Variants in EFHC2 observed in about 807,000 individuals in gnomAD.
EFHC2 encodes EF-hand domain-containing family member C2.
Under a neutral mutation model 52.7 loss-of-function variants are expected in EFHC2, and 18 were observed. The observed-to-expected ratio is 0.34, with a 90% CI of 0.24 to 0.51. The LOEUF is 0.51. EFHC2 is among the 20% of genes least tolerant of loss of function. The probability of loss-of-function intolerance (pLI) is 0.97; values close to 1 mark genes in which losing one functional copy is unlikely to be tolerated. For synonymous variants in EFHC2, 203 were observed against 204.1 expected (o/e 0.99, Z 0.04); for missense variants, 513 against 562.5 (o/e 0.91, Z 0.89).
intron 7 of EFHC2, among the ~76,000 whole-genome samples, chrX:44,242,944 T>C (rs1409909200): frequency 8.9e-6 from 1 of 112,113 alleles, no homozygotes; most frequent in East Asian, 2.8e-4. Context: ...TCAAATGCAA[T>C]GAAGCGAACA....
intron 14 of EFHC2, among the ~76,000 whole-genome samples, chrX:44,151,366 C>T (rs2036568960): frequency 8.9e-6 from 1 of 111,758 alleles, no homozygotes; most frequent in African/African-American, 3.2e-5. Context: ...TGGCTTAAAG[C>T]AACAGAAACT....
chrX:44,268,405 T>C (rs1014611936), intron 3 of EFHC2, among the ~76,000 whole-genome samples: 2 of 111,552 alleles, frequency 1.8e-5, no homozygotes, highest in Non-Finnish European at 3.8e-5. Context: ...TTGGATAGTT[T>C]AATAAAACTA....
At chrX:44,260,212 A>G (rs1299918572) in intron 4 of EFHC2, among the ~76,000 whole-genome samples, 1 of 111,298 alleles carries the variant, frequency 9.0e-6, no homozygotes, top group Non-Finnish European at 1.9e-5. Context: ...TTATAGGGGT[A>G]CGTGTATTTG....
At chrX:44,249,735 G>C (rs1371101742) in intron 5 of EFHC2, among the ~76,000 whole-genome samples, 1 of 112,292 alleles carries the variant, frequency 8.9e-6, no homozygotes, top group African/African-American at 3.2e-5. Flanking sequence ...AAGGCACTTT[G>C]GTTTGTAAAC....
At chrX:44,332,362 C>T (rs1056635357) in intron 1 of EFHC2, among the ~76,000 whole-genome samples, 6 of 110,278 alleles carry the variant, frequency 5.4e-5, no homozygotes, top group Admixed American at 2.9e-4. Flanking sequence ...GTTGTTTTGA[C>T]CATTCCCTCC....
chrX:44,196,622 A>G (rs751354829), intron 11 of EFHC2, among the ~76,000 whole-genome samples: 1 of 112,039 alleles, frequency 8.9e-6, no homozygotes, highest in Non-Finnish European at 1.9e-5. Context: ...AGGCAGAGTC[A>G]AGGAAAAAGA....
At chrX:44,149,224 C>T (rs1218331670) in intron 14 of EFHC2, among the ~76,000 whole-genome samples, 1 of 112,036 alleles carries the variant, frequency 8.9e-6, no homozygotes, top group Non-Finnish European at 1.9e-5. Flanking sequence ...GAGGCTCTAG[C>T]GTGCTGGCAT....
At chrX:44,251,483 C>T (rs1371524160) in intron 4 of EFHC2, among the ~76,000 whole-genome samples, 1 of 99,672 alleles carries the variant, frequency 1.0e-5, no homozygotes, top group African/African-American at 3.6e-5. Context: ...TGCCAGTAAT[C>T]CCAGCTACTC....
chrX:44,215,461 C>T (rs907887888), intron 11 of EFHC2, among the ~76,000 whole-genome samples: 1 of 105,626 alleles, frequency 9.5e-6, no homozygotes, highest in Non-Finnish European at 1.9e-5. Context: ...AAAGTTTAAA[C>T]ATACACCTAC....
chrX:44,326,391 AT>A (rs1457665298), intron 1 of EFHC2, among the ~76,000 whole-genome samples: 1 of 111,346 alleles, frequency 9.0e-6, no homozygotes, highest in East Asian at 2.8e-4. Flanking sequence ...AGGATTTTGA[AT>A]GTTCTCAACA....
intron 2 of EFHC2, chrX:44,285,436 A>T (rs1032000025): frequency 8.9e-6 from 1 of 112,296 alleles, no homozygotes; most frequent in Admixed American, 9.4e-5. Context: ...AGCCAGAGCA[A>T]CCGGGTTTCA....
intron 4 of EFHC2, among the ~76,000 whole-genome samples, chrX:44,257,808 A>G (rs1467637380): frequency 8.9e-6 from 1 of 112,161 alleles, no homozygotes; most frequent in Non-Finnish European, 1.9e-5. Flanking sequence ...TAGAACCAAA[A>G]AAGAGCTCGT....
At chrX:44,317,749 G>T (rs998779122) in intron 1 of EFHC2, among the ~76,000 whole-genome samples, 1 of 113,356 alleles carries the variant, frequency 8.8e-6, no homozygotes, top group African/African-American at 3.2e-5. Flanking sequence ...AGCTATGATC[G>T]CACCACTGCA....
chrX:44,300,621 T>A, intron 2 of EFHC2, among the ~76,000 whole-genome samples: 1 of 111,991 alleles, frequency 8.9e-6, no homozygotes, highest in East Asian at 2.8e-4. Context: ...ACTTAGTGTA[T>A]AGTTAAACTT....
chrX:44,182,392 G>T (rs965022146), intron 11 of EFHC2, among the ~76,000 whole-genome samples: 2 of 112,387 alleles, frequency 1.8e-5, no homozygotes, highest in East Asian at 5.5e-4. Flanking sequence ...GAATAGTGCT[G>T]CTATGAAAAT....
rs190824421 is a variant in EFHC2 at position 44,202,878 on chromosome X, G to A, written c.1752-24314C>T. Among the ~76,000 whole-genome samples, 15 of 111,433 alleles carry A rather than the reference G, an allele frequency of 1.3e-4. No individual in the cohort carries two copies. In the East Asian group the frequency reaches 4.3e-3, roughly 32 times the overall value. On this transcript the variant is annotated intron_variant, in intron 11 of 14. Coordinates refer to ENST00000420999, the MANE Select transcript of EFHC2 (RefSeq NM_025184.4). ...CCACCAAAGCATTCTTTGGGACAAA[G>A]GAATGATGGGTGTGGTACCAACTGC...
intron 10 of EFHC2, among the ~76,000 whole-genome samples, chrX:44,231,781 A>T (rs947546045): frequency 8.9e-6 from 1 of 112,227 alleles, no homozygotes; most frequent in Non-Finnish European, 1.9e-5. Flanking sequence ...AAAATTTTCC[A>T]GATAGATTTT....
rs188033355 is a variant in EFHC2 at position 44,215,567 on chromosome X, G to A, written c.1751+14082C>T. On this transcript the variant is annotated intron_variant, in intron 11 of 14. Transcript: ENST00000420999. ...TGGGTGTTGGAAGGGGGAAGGCAGC[G>A]TGATAGAATTGTTTTGTATCTTTAT... Among the ~76,000 whole-genome samples, 24 of 109,965 alleles carry A rather than the reference G, an allele frequency of 2.2e-4. No individual in the cohort carries two copies. In the East Asian group the frequency reaches 3.1e-3, roughly 14 times the overall value.
intron 11 of EFHC2, among the ~76,000 whole-genome samples, chrX:44,191,592 A>G (rs1037271979): frequency 1.8e-5 from 2 of 111,931 alleles, no homozygotes; most frequent in African/African-American, 6.5e-5. Flanking sequence ...GCTTGATATT[A>G]TAAGTGTTTG....
Sources: gnomAD v4.1 joint callset for allele counts (sites outside exome capture counted in the v4.1 genomes callset) on GRCh38, gnomAD v4.1.1 for gene constraint, MANE v1.5 for transcripts, NCBI Gene and HGNC (gene_info 2026-07-23, HGNC 2026-07-21) for gene names.